VOPP1: variants seen among roughly 807,000 people sequenced by gnomAD.
The protein encoded by VOPP1 is WW domain binding protein VOPP1.
Under a neutral mutation model 23.5 loss-of-function variants are expected in VOPP1, and 8 were observed. The observed-to-expected ratio is 0.34, with a 90% CI of 0.20 to 0.61. VOPP1 has a LOEUF of 0.61. Ranked by LOEUF, VOPP1 falls within the 20% of genes least tolerant of loss-of-function variation. The pLI is 0.78. For missense variants in VOPP1, 174 were observed against 238.1 expected, an observed-to-expected ratio of 0.73 and a Z score of 1.77; for synonymous variants, 83 against 97.3, an observed-to-expected ratio of 0.85 and a Z score of 0.86.
At chr7:55,459,193 T>C (rs1791440982) in intron 4 of VOPP1, among the ~76,000 whole-genome samples, 1 of 152,232 alleles carries the variant, frequency 6.6e-6, no homozygotes, top group Non-Finnish European at 1.5e-5. Context: ...TTTGCATGTG[T>C]TAAACCATCC....
intron 4 of VOPP1, among the ~76,000 whole-genome samples, chr7:55,453,061 G>T (rs890709840): frequency 7.2e-5 from 11 of 152,118 alleles, no homozygotes; most frequent in East Asian, 3.9e-4. Flanking sequence ...CTCTGTTGTC[G>T]AGTGTAGCCA....
At chr7:55,441,684 T>C (rs777995057) in intron 4 of VOPP1, among the ~76,000 whole-genome samples, 64 of 152,374 alleles carry the variant, frequency 4.2e-4, no homozygotes, top group Non-Finnish European at 7.9e-4. Flanking sequence ...CTTCTGTAGC[T>C]GCGCCCCATC....
intron 1 of VOPP1, among the ~76,000 whole-genome samples, chr7:55,543,658 G>A (rs6593255): frequency 0.03 from 4,497 of 151,650 alleles, 240 homozygotes; most frequent in African/African-American, 0.1. Context: ...AATGATTAGC[G>A]GTGTTGAGTA....
intron 3 of VOPP1, among the ~76,000 whole-genome samples, chr7:55,496,734 A>G (rs1353984970): frequency 2.0e-5 from 3 of 152,236 alleles, no homozygotes; most frequent in African/African-American, 7.2e-5. Context: ...AAACCGCATA[A>G]AAATTCAGGT....
intron 4 of VOPP1, among the ~76,000 whole-genome samples, chr7:55,488,852 C>T (rs1265109013): frequency 2.0e-5 from 3 of 152,274 alleles, no homozygotes; most frequent in African/African-American, 4.8e-5. Flanking sequence ...TGCCTGCACA[C>T]CTTGGCACTG....
At chr7:55,551,711 G>GA (rs1797613482) in intron 1 of VOPP1, among the ~76,000 whole-genome samples, 2 of 152,198 alleles carry the variant, frequency 1.3e-5, no homozygotes, top group African/African-American at 4.8e-5. Context: ...AGGGAAAGCA[G>GA]AAAAAATCTG....
chr7:55,475,322 G>C (rs1279259076), intron 4 of VOPP1, among the ~76,000 whole-genome samples: 1 of 152,150 alleles, frequency 6.6e-6, no homozygotes, highest in Non-Finnish European at 1.5e-5. Flanking sequence ...AGCCATGTGG[G>C]GTGTGGCCCT....
intron 4 of VOPP1, among the ~76,000 whole-genome samples, chr7:55,459,817 G>A (rs945143009): frequency 4.0e-5 from 6 of 151,294 alleles, no homozygotes; most frequent in Admixed American, 1.3e-4. Flanking sequence ...TTTAAAACAC[G>A]CACTTTTTGT....
chr7:55,567,625 G>C (rs569447223), intron 1 of VOPP1, among the ~76,000 whole-genome samples: 2 of 152,158 alleles, frequency 1.3e-5, no homozygotes, highest in Non-Finnish European at 2.9e-5. Flanking sequence ...CCCCAGGTCT[G>C]GGCCCAACGC....
At chr7:55,492,442 G>A in intron 3 of VOPP1, 24 bp from the exon 4 acceptor site, 2 of 1,592,274 alleles carry the variant, frequency 1.3e-6, no homozygotes, top group Non-Finnish European at 1.7e-6. Context: ...AGACGTGAGG[G>A]TGGTGCTCCC....
At chr7:55,443,252 T>G (rs1378143351) in intron 4 of VOPP1, among the ~76,000 whole-genome samples, 3 of 151,742 alleles carry the variant, frequency 2.0e-5, no homozygotes, top group African/African-American at 7.3e-5. Context: ...TACAAACAAT[T>G]TTTAAAAAAC....
intron 1 of VOPP1, among the ~76,000 whole-genome samples, chr7:55,529,573 C>G (rs1198719447): frequency 2.6e-5 from 4 of 152,088 alleles, no homozygotes; most frequent in Non-Finnish European, 5.9e-5. Flanking sequence ...CAAGTTCTAG[C>G]TCAATTTACT....
intron 4 of VOPP1, among the ~76,000 whole-genome samples, chr7:55,441,622 A>T (rs1011348075): frequency 3.3e-5 from 5 of 152,228 alleles, no homozygotes; most frequent in Non-Finnish European, 7.3e-5. Context: ...AGGATTAAGT[A>T]ATGGACATCA....
intron 1 of VOPP1, chr7:55,571,780 TC>T (rs1304404320): frequency 6.5e-6 from 1 of 153,466 alleles, no homozygotes; most frequent in Non-Finnish European, 1.4e-5. Flanking sequence ...CTCCCGGCAC[TC>T]CCGCGACACT....
chr7:55,521,129 C>T lies in VOPP1; in HGVS notation c.56G>A (p.Cys19Tyr), dbSNP rs766447273. 2.6e-5 allele frequency: 41 copies of T among 1,576,966 alleles called. No homozygotes were observed. Among genetic ancestry groups the T allele is most frequent in the Non-Finnish European group, 3.5e-5 (41 of 1,160,340 alleles). ...AALLLGLLLE[C>Y]TEAKKHCWYF... ...CCAGCAATGCTTTTTGGCTTCTGTG[C>T]ACTGCAAATAGAAGCAAGAAAAAGT... Residue 19 changes from cysteine (C) to tyrosine (Y), a missense_variant and splice_region_variant, in exon 2 of 5, where the codon TGC (cysteine) becomes TAC (tyrosine). Physicochemically the swap from Cys to Tyr is radical, Grantham distance 194. Coordinates refer to ENST00000285279, the MANE Select transcript of VOPP1 (RefSeq NM_030796.5).
At chr7:55,517,700 A>G (rs1795558131) in intron 2 of VOPP1, among the ~76,000 whole-genome samples, 1 of 152,116 alleles carries the variant, frequency 6.6e-6, no homozygotes, top group South Asian at 2.1e-4. Context: ...CCTGCAGGTC[A>G]AGCACTTCCA....
At chr7:55,557,669 T>C (rs1797855190) in intron 1 of VOPP1, among the ~76,000 whole-genome samples, 1 of 152,200 alleles carries the variant, frequency 6.6e-6, no homozygotes, top group Non-Finnish European at 1.5e-5. Flanking sequence ...CAAGTAACTC[T>C]GCCCAGCCAC....
chr7:55,464,997 T>C (rs1791598583), intron 4 of VOPP1, among the ~76,000 whole-genome samples: 1 of 152,218 alleles, frequency 6.6e-6, no homozygotes, highest in Non-Finnish European at 1.5e-5. Flanking sequence ...ACCTTCTCTC[T>C]GCACTGGGGG....
chr7:55,544,873 G>A (rs879589844), intron 1 of VOPP1, among the ~76,000 whole-genome samples: 7 of 152,196 alleles, frequency 4.6e-5, no homozygotes, highest in Admixed American at 2.0e-4. Context: ...TCAGCAAAAC[G>A]TAGTCAAAAT....
Sources: gnomAD v4.1 joint callset for allele counts (sites outside exome capture counted in the v4.1 genomes callset) on GRCh38, gnomAD v4.1.1 for gene constraint, MANE v1.5 for transcripts, NCBI Gene and HGNC (gene_info 2026-07-23, HGNC 2026-07-21) for gene names.